The following ANKFN1 variants were observed in gnomAD, a reference collection of about 807,000 sequenced individuals.
ANKFN1 encodes ankyrin repeat and fibronectin type-III domain-containing protein 1.
Under a neutral mutation model 108.7 loss-of-function variants are expected in ANKFN1, and 74 were observed. The observed-to-expected ratio is 0.68, with a 90% CI of 0.56 to 0.83. The LOEUF is 0.83. Ranked by LOEUF, ANKFN1 falls within the 40% of genes least tolerant of loss-of-function variation. The pLI is 0.00. For synonymous variants in ANKFN1, 547 were observed against 516.2 expected (o/e 1.06, Z -0.81); for missense variants, 1,505 against 1,382.3 (o/e 1.09, Z -1.41).
At chr17:56,216,997 A>G (rs1331982303) in intron 2 of ANKFN1, among the ~76,000 whole-genome samples, 1 of 152,252 alleles carries the variant, frequency 6.6e-6, no homozygotes, top group African/African-American at 2.4e-5. Flanking sequence ...GTGCAGTCAA[A>G]GCTTATAAGC....
chr17:56,159,054 AAGC>A (rs1395564029), intron 1 of ANKFN1, among the ~76,000 whole-genome samples: 135 of 151,034 alleles, frequency 8.9e-4, no homozygotes, highest in Non-Finnish European at 1.6e-3. Context: ...AAAAAAAAAA[AAGC>A]AGAAGAAGAA....
chr17:56,083,483 AAGAG>A (rs146207297), intron 4 of ANKFN1, among the ~76,000 whole-genome samples: 1 of 151,330 alleles, frequency 6.6e-6, no homozygotes, highest in Admixed American at 6.6e-5. Context: ...GAGAGGAAGA[AAGAG>A]AGAGAGAGAA....
At chr17:56,177,585 G>A (rs1349309856) in intron 1 of ANKFN1, among the ~76,000 whole-genome samples, 3 of 152,154 alleles carry the variant, frequency 2.0e-5, no homozygotes, top group African/African-American at 4.8e-5. Flanking sequence ...TGACTCCCAC[G>A]TTCCAGATGA....
chr17:56,074,935 C>T (rs1187314691), intron 4 of ANKFN1, among the ~76,000 whole-genome samples: 1 of 152,160 alleles, frequency 6.6e-6, no homozygotes, highest in African/African-American at 2.4e-5. Flanking sequence ...ATATTTTGTA[C>T]AGCATGTTAT....
rs1245189382 is a variant in ANKFN1, at chr17:56,267,646, A to G, written c.53+39689A>G. Among the ~76,000 whole-genome samples, 6 of 152,338 alleles carry G rather than the reference A, an allele frequency of 3.9e-5. No homozygotes were observed. The South Asian group carries it at 1.2e-3, about 32-fold the overall frequency. On this transcript the variant is annotated intron_variant, in intron 3 of 20. Transcript: ENST00000682825. ...GTTATCCCAGCACCATTTACTGAGTAAGAAGTCCTTTCCCCATTGCTTGTT... is the reference window on the plus strand; with the variant it reads ...GTTATCCCAGCACCATTTACTGAGTGAGAAGTCCTTTCCCCATTGCTTGTT...
intron 2 of ANKFN1, among the ~76,000 whole-genome samples, chr17:56,213,332 C>T (rs948352560): frequency 5.3e-5 from 8 of 152,168 alleles, no homozygotes; most frequent in African/African-American, 1.7e-4. Flanking sequence ...TCTGTGCACA[C>T]GAGCGGTGGC....
intron 4 of ANKFN1, among the ~76,000 whole-genome samples, chr17:56,082,430 T>C (rs8081690): frequency 0.25 from 27,702 of 112,062 alleles, 3,291 homozygotes; most frequent in African/African-American, 0.38. Flanking sequence ...CAAATCCCTA[T>C]CACACACACA....
intron 4 of ANKFN1, among the ~76,000 whole-genome samples, chr17:56,111,974 G>T (rs1905989646): frequency 1.3e-5 from 2 of 152,088 alleles, no homozygotes; most frequent in African/African-American, 4.8e-5. Flanking sequence ...ATGTTGCCTG[G>T]GCTATATATT....
At chr17:56,188,589 A>ATATATATG (rs1912533217) in intron 1 of ANKFN1, among the ~76,000 whole-genome samples, 2 of 110,400 alleles carry the variant, frequency 1.8e-5, no homozygotes, top group African/African-American at 1.0e-4. Context: ...GTGTATATAT[A>ATATATATG]TATATATATA....
At chr17:56,423,044 C>T (rs1164078513) in intron 8 of ANKFN1, among the ~76,000 whole-genome samples, 1 of 152,160 alleles carries the variant, frequency 6.6e-6, no homozygotes, top group Non-Finnish European at 1.5e-5. Context: ...TCAACACCAT[C>T]CAGCAATTAT....
intron 15 of ANKFN1, among the ~76,000 whole-genome samples, chr17:56,473,885 T>TA (rs796162265): frequency 2.7e-4 from 41 of 152,288 alleles, no homozygotes; most frequent in African/African-American, 7.9e-4. Flanking sequence ...ATAATCACAG[T>TA]GTACTCCTAG....
intron 3 of ANKFN1, among the ~76,000 whole-genome samples, chr17:56,311,935 G>A (rs548411671): frequency 2.6e-5 from 4 of 152,176 alleles, no homozygotes; most frequent in Non-Finnish European, 4.4e-5. Flanking sequence ...TGATATCGGT[G>A]CTGTTATTTT....
chr17:56,296,717 C>A (rs1334656428), intron 3 of ANKFN1, among the ~76,000 whole-genome samples: 1 of 152,066 alleles, frequency 6.6e-6, no homozygotes, highest in Non-Finnish European at 1.5e-5. Context: ...ACAACAACAA[C>A]AACAAAACGG....
intron 1 of ANKFN1, among the ~76,000 whole-genome samples, chr17:56,193,550 G>T (rs1424124844): frequency 6.8e-6 from 1 of 148,066 alleles, no homozygotes; most frequent in Non-Finnish European, 1.5e-5. Flanking sequence ...CTAGTATAAT[G>T]TAAAAGTGCA....
chr17:56,469,958 G>T (rs1397503148), intron 15 of ANKFN1, among the ~76,000 whole-genome samples: 3 of 151,856 alleles, frequency 2.0e-5, no homozygotes, highest in African/African-American at 7.3e-5. Context: ...CTACCAACAG[G>T]CCCCAATGTA....
intron 4 of ANKFN1, among the ~76,000 whole-genome samples, chr17:56,108,168 T>A (rs1449669616): frequency 1.3e-5 from 2 of 152,218 alleles, no homozygotes; most frequent in African/African-American, 4.8e-5. Flanking sequence ...CCTGAGTGGC[T>A]GGGATTACAG....
intron 7 of ANKFN1, among the ~76,000 whole-genome samples, chr17:56,373,514 A>C (rs973721557): frequency 2.6e-5 from 4 of 152,240 alleles, no homozygotes; most frequent in Non-Finnish European, 5.9e-5. Context: ...AGGAGATCGT[A>C]ACTAAACAAC....
intron 3 of ANKFN1, among the ~76,000 whole-genome samples, chr17:56,325,284 G>C (rs1302596734): frequency 1.3e-5 from 2 of 151,792 alleles, no homozygotes; most frequent in East Asian, 1.9e-4. Context: ...GTGTGTGTGT[G>C]TGTGTGTGCA....
At chr17:56,410,709 C>T (rs1335809769) in intron 8 of ANKFN1, among the ~76,000 whole-genome samples, 2 of 152,270 alleles carry the variant, frequency 1.3e-5, no homozygotes, top group East Asian at 1.9e-4. Context: ...CCAGCCCCCA[C>T]CACCGTCTCT....
Sources: allele counts gnomAD v4.1 joint callset (sites outside exome capture counted in the v4.1 genomes callset), GRCh38; gene constraint gnomAD v4.1.1; transcripts MANE v1.5; gene names NCBI Gene and HGNC (gene_info 2026-07-23, HGNC 2026-07-21).